RNF180: variants seen among roughly 807,000 people sequenced by gnomAD.
RNF180 encodes E3 ubiquitin-protein ligase RNF180.
Under a neutral mutation model 59.2 loss-of-function variants are expected in RNF180, and 38 were observed. The observed-to-expected ratio is 0.64, with a 90% CI of 0.50 to 0.84. The LOEUF (loss-of-function observed/expected upper bound fraction) is 0.84, where lower values mean the gene tolerates loss of function less well. Ranked by LOEUF, RNF180 falls within the 40% of genes least tolerant of loss-of-function variation. The pLI is 0.00. For synonymous variants in RNF180, 262 were observed against 240.3 expected, an observed-to-expected ratio of 1.09 and a Z score of -0.84; for missense variants, 705 against 700.9, an observed-to-expected ratio of 1.01 and a Z score of -0.07.
intron 5 of RNF180, among the ~76,000 whole-genome samples, chr5:64,258,159 A>G (rs1372516757): frequency 6.6e-6 from 1 of 152,194 alleles, no homozygotes; most frequent in African/African-American, 2.4e-5. Context: ...CCTTCCAGGG[A>G]CTAACCACAT....
At chr5:64,274,352 A>T (rs1410531437) in intron 5 of RNF180, among the ~76,000 whole-genome samples, 1 of 151,410 alleles carries the variant, frequency 6.6e-6, no homozygotes. Context: ...CTCATTTTTA[A>T]AAGTTCCTTA....
At chr5:64,296,429 C>T (rs923274113) in intron 5 of RNF180, among the ~76,000 whole-genome samples, 2 of 152,074 alleles carry the variant, frequency 1.3e-5, no homozygotes, top group East Asian at 1.9e-4. Context: ...TTTATTGACT[C>T]AAGACAAAAA....
At chr5:64,172,458 G>A (rs1494635) in intron 1 of RNF180, among the ~76,000 whole-genome samples, 3,559 of 152,136 alleles carry the variant, frequency 0.023, 128 homozygotes, top group African/African-American at 0.075. Flanking sequence ...TAAAGATTTA[G>A]GAACCTGTAG....
In RNF180 at chr5:64,370,727, T is replaced by C. The variant is rs2112624764; in HGVS notation, c.*913T>C. 6.6e-6 allele frequency: 1 copy of C among 151,734 alleles called. No individual in the cohort carries two copies. Among genetic ancestry groups the C allele is most frequent in the African/African-American group, 2.4e-5 (1 of 41,494 alleles). The allele number at this position is 151,734 out of a possible 1,614,324, so 9.4% of individuals were successfully genotyped here. A position where few individuals can be genotyped will look rare whatever the true frequency, so the allele number is the denominator to read the frequency against. On this transcript the variant is annotated 3_prime_UTR_variant, in exon 8 of 8. Transcript: ENST00000389100. ...AGTAATCATTAATTTTTTTCATTAT[T>C]AAAATTTAAAAATAAGAGAACTGAA... is the stretch of plus-strand genomic sequence containing the variant.
chr5:64,310,168 A>G (rs1026320337), intron 5 of RNF180, among the ~76,000 whole-genome samples: 3 of 151,850 alleles, frequency 2.0e-5, no homozygotes, highest in African/African-American at 7.2e-5. Flanking sequence ...TTAGCAAACC[A>G]AATTCAACAA....
At chr5:64,302,181 C>T (rs1379017213) in intron 5 of RNF180, among the ~76,000 whole-genome samples, 1 of 151,478 alleles carries the variant, frequency 6.6e-6, no homozygotes, top group Non-Finnish European at 1.5e-5. Context: ...ACCCAATATA[C>T]ACTGCTGGAG....
intron 5 of RNF180, among the ~76,000 whole-genome samples, chr5:64,314,799 A>G (rs4700622): frequency 0.013 from 1,988 of 152,272 alleles, 99 homozygotes; most frequent in East Asian, 0.11. Context: ...GTCTATTGCC[A>G]CTTGTTTTAG....
chr5:64,316,966 T>A (rs758214364), intron 5 of RNF180, among the ~76,000 whole-genome samples: 1 of 152,168 alleles, frequency 6.6e-6, no homozygotes, highest in South Asian at 2.1e-4. Context: ...GACCCAGATA[T>A]ATGAAAAGTC....
chr5:64,344,581 T>A (rs748307679), intron 7 of RNF180, among the ~76,000 whole-genome samples: 22 of 152,060 alleles, frequency 1.4e-4, no homozygotes, highest in African/African-American at 1.9e-4. Flanking sequence ...TGAAAAATAG[T>A]GGCTAATCTG....
At chr5:64,257,356 T>C (rs924138805) in intron 5 of RNF180, among the ~76,000 whole-genome samples, 7 of 152,226 alleles carry the variant, frequency 4.6e-5, no homozygotes, top group Non-Finnish European at 8.8e-5. Context: ...AAATAGCTCT[T>C]ATTATTTTGA....
chr5:64,329,077 T>C (rs895462222), intron 6 of RNF180, among the ~76,000 whole-genome samples: 5 of 152,230 alleles, frequency 3.3e-5, no homozygotes, highest in African/African-American at 1.2e-4. Context: ...TTTAACTCAT[T>C]AGTAAGCTTC....
intron 5 of RNF180, among the ~76,000 whole-genome samples, chr5:64,298,259 A>G (rs1231783507): frequency 6.6e-6 from 1 of 152,008 alleles, no homozygotes; most frequent in African/African-American, 2.4e-5. Context: ...TATCCAGTCT[A>G]TCATTTAGAT....
At chr5:64,285,401 A>T (rs1192977333) in intron 5 of RNF180, among the ~76,000 whole-genome samples, 1 of 152,204 alleles carries the variant, frequency 6.6e-6, no homozygotes, top group African/African-American at 2.4e-5. Context: ...CACAGATGCC[A>T]GCGGGGGAGA....
At chr5:64,330,435 T>C in intron 7 of RNF180, 29 bp downstream of exon 7, 1 of 1,522,184 alleles carries the variant, frequency 6.6e-7, no homozygotes, top group Non-Finnish European at 8.8e-7. Flanking sequence ...AAAAAAAAAG[T>C]CTGGTAATTT....
chr5:64,195,275 A>G (rs181573747), intron 1 of RNF180, among the ~76,000 whole-genome samples: 471 of 152,318 alleles, frequency 3.1e-3, no homozygotes, highest in African/African-American at 0.011. Flanking sequence ...TGTAAGTCTA[A>G]AAGTTGAATT....
chr5:64,178,032 C>T (rs754836879), intron 1 of RNF180, among the ~76,000 whole-genome samples: 3 of 151,732 alleles, frequency 2.0e-5, no homozygotes, highest in Admixed American at 6.6e-5. Flanking sequence ...AGTGAAACCC[C>T]GTCTCTACTA....
chr5:64,267,338 T>TTTTA (rs549621218), intron 5 of RNF180, among the ~76,000 whole-genome samples: 84 of 152,136 alleles, frequency 5.5e-4, no homozygotes, highest in Middle Eastern at 3.4e-3. Flanking sequence ...ACTTTGATTC[T>TTTTA]TTTATTTATT....
At chr5:64,266,736 T>A (rs1744701711) in intron 5 of RNF180, among the ~76,000 whole-genome samples, 1 of 151,976 alleles carries the variant, frequency 6.6e-6, no homozygotes, top group African/African-American at 2.4e-5. Context: ...TAATTCAAAA[T>A]TAAGGGGAGG....
chr5:64,205,178 G>A (rs1751953748), intron 2 of RNF180, among the ~76,000 whole-genome samples: 1 of 152,178 alleles, frequency 6.6e-6, no homozygotes, highest in South Asian at 2.1e-4. Flanking sequence ...GCAGCCATCA[G>A]TTCTGCTTTT....
Sources: allele counts gnomAD v4.1 joint callset (sites outside exome capture counted in the v4.1 genomes callset), GRCh38; gene constraint gnomAD v4.1.1; transcripts MANE v1.5; gene names NCBI Gene and HGNC (gene_info 2026-07-23, HGNC 2026-07-21).